The following ALPK1 variants were observed in gnomAD, a reference collection of about 807,000 sequenced individuals.
The protein encoded by ALPK1 is alpha-protein kinase 1.
In ALPK1, 110 loss-of-function variants were observed where a neutral mutation model predicts 120.6. That is an observed-to-expected ratio of 0.91 (90% confidence interval 0.78 to 1.07). ALPK1 has a LOEUF of 1.07. Among genes scored for constraint, ALPK1 ranks in the 50% least tolerant of loss-of-function variants. The pLI is 0.00. For synonymous variants in ALPK1, 582 were observed against 560.3 expected, an observed-to-expected ratio of 1.04 and a Z score of -0.55; for missense variants, 1,498 against 1,483.9, an observed-to-expected ratio of 1.01 and a Z score of -0.16.
intron 2 of ALPK1, among the ~76,000 whole-genome samples, chr4:112,363,995 A>G (rs558398424): frequency 6.6e-6 from 1 of 152,316 alleles, no homozygotes; most frequent in Non-Finnish European, 1.5e-5. Context: ...TAGAAATTTT[A>G]AAATTCTTTG....
At chr4:112,361,761 C>G (rs1243203235) in intron 2 of ALPK1, among the ~76,000 whole-genome samples, 1 of 152,242 alleles carries the variant, frequency 6.6e-6, no homozygotes, top group Non-Finnish European at 1.5e-5. Context: ...AGTGCCACCT[C>G]CTGGCTGGAG....
At chr4:112,366,734 A>C (rs1279875263) in intron 2 of ALPK1, among the ~76,000 whole-genome samples, 1 of 152,228 alleles carries the variant, frequency 6.6e-6, no homozygotes, top group African/African-American at 2.4e-5. Flanking sequence ...TATATGAAAA[A>C]GATACTTGCA....
intron 2 of ALPK1, among the ~76,000 whole-genome samples, chr4:112,370,399 T>A (rs1385133966): frequency 3.9e-5 from 6 of 152,008 alleles, no homozygotes; most frequent in Admixed American, 3.9e-4. Context: ...TCTATTTGAT[T>A]TTTAAGGAAA....
chr4:112,314,876 CTT>C (rs763492984), intron 1 of ALPK1, among the ~76,000 whole-genome samples: 1,109 of 99,514 alleles, frequency 0.011, 1 homozygote, highest in African/African-American at 0.039. Context: ...AATCCATTGC[CTT>C]TTTTTTTTTT....
chr4:112,318,916 G>A (rs927265494), intron 2 of ALPK1, among the ~76,000 whole-genome samples: 5 of 152,202 alleles, frequency 3.3e-5, no homozygotes, highest in African/African-American at 4.8e-5. Flanking sequence ...TGGTAGAAGC[G>A]ACACTAATGG....
intron 4 of ALPK1, among the ~76,000 whole-genome samples, chr4:112,388,988 T>C (rs1732277470): frequency 6.6e-6 from 1 of 151,754 alleles, no homozygotes; most frequent in African/African-American, 2.4e-5. Context: ...GAACTCCCCA[T>C]CTCTTTATGG....
At chr4:112,409,489 T>C (rs1733350414) in intron 4 of ALPK1, among the ~76,000 whole-genome samples, 1 of 151,986 alleles carries the variant, frequency 6.6e-6, no homozygotes, top group Non-Finnish European at 1.5e-5. Context: ...AGATATAGCT[T>C]TGTATTAGAC....
At chr4:112,349,554 C>CCCT (rs1553939362) in intron 2 of ALPK1, among the ~76,000 whole-genome samples, 1 of 141,656 alleles carries the variant, frequency 7.1e-6, no homozygotes, top group Admixed American at 7.0e-5. Context: ...AACCCCTGCC[C>CCCT]CCCCCCGCTT....
chr4:112,412,361 A>T (rs1427025632), intron 5 of ALPK1: 2 of 502,700 alleles, frequency 4.0e-6, no homozygotes, highest in Non-Finnish European at 7.7e-6. Flanking sequence ...AAGAGTCTTT[A>T]AAAAGCAGAT....
rs893476521 is a variant in ALPK1 at position 112,377,746 on chromosome 4, G to A, written c.-32G>A. 1.7e-5 allele frequency: 27 copies of A among 1,591,776 alleles called. No individual in the cohort carries two copies. Among genetic ancestry groups the A allele is most frequent in the Non-Finnish European group, 2.1e-5 (25 of 1,164,824 alleles). Reference sequence around the variant, plus strand: ...TTCTCCTAGGTAATTGATCACCCTAGACCCAGGGACACCCAATTCATCGTA... The same window carrying A: ...TTCTCCTAGGTAATTGATCACCCTAAACCCAGGGACACCCAATTCATCGTA... On this transcript the variant is annotated 5_prime_UTR_variant, in exon 3 of 16. Transcript: ENST00000650871.
chr4:112,433,064 G>A (rs1213128348), intron 11 of ALPK1, among the ~76,000 whole-genome samples: 1 of 152,202 alleles, frequency 6.6e-6, no homozygotes, highest in Non-Finnish European at 1.5e-5. Context: ...ATTCTATGGG[G>A]ACATGGTTTG....
chr4:112,384,793 G>A (rs1357060587), intron 4 of ALPK1: 1 of 152,204 alleles, frequency 6.6e-6, no homozygotes, highest in Non-Finnish European at 1.5e-5. Flanking sequence ...TCAAGGTAAG[G>A]AGTAAGGAGA....
chr4:112,300,011 T>C (rs886962319), intron 1 of ALPK1, among the ~76,000 whole-genome samples: 14 of 152,130 alleles, frequency 9.2e-5, no homozygotes, highest in Non-Finnish European at 1.9e-4. Context: ...ATAATTTCAT[T>C]TCTGGGAATC....
Position 112,432,393 on chromosome 4 carries a change from C to T in ALPK1, c.2846C>T (p.Ser949Phe). Reference sequence around the variant, plus strand: ...TCTTCTGAGGGGGACAGCCCTTGGTCCTATCTGAATTCCAGTGGGAGTTCT... The same window carrying T: ...TCTTCTGAGGGGGACAGCCCTTGGTTCTATCTGAATTCCAGTGGGAGTTCT... ...SGSSEGDSPW[S>F]YLNSSGSSWV... Residue 949 changes from serine to phenylalanine, a missense_variant, in exon 11 of 16, where the codon TCC becomes TTC. Coordinates refer to ENST00000650871, the MANE Select transcript of ALPK1 (RefSeq NM_025144.4). The T allele has an allele frequency of 6.2e-7, 1 of 1,614,106 alleles. No homozygotes were observed. The highest frequency in any genetic ancestry group is 8.5e-7 in the Non-Finnish European group (1 of 1,180,032).
Position 112,441,051 on chromosome 4 carries a change from T to G in ALPK1, c.3673T>G (p.Cys1225Gly). ...CTTCTTTAATAACCAGCATGTGGAATGTAATGAAATCTGCCATCGTCTTTC... is the reference window on the plus strand; with the variant it reads ...CTTCTTTAATAACCAGCATGTGGAAGGTAATGAAATCTGCCATCGTCTTTC... Reference protein sequence around the residue: ...FYFFNNQHVECNEICHRLSLT... With the variant: ...FYFFNNQHVEGNEICHRLSLT... Residue 1225 changes from cysteine (C) to glycine (G), a missense_variant, in exon 15 of 16, where the codon TGT becomes GGT. Cys to Gly is a radical substitution (Grantham distance 159). Transcript: ENST00000650871. 4 of 1,613,966 alleles carry G rather than the reference T, an allele frequency of 2.5e-6. No individual in the cohort carries two copies. Among genetic ancestry groups the G allele is most frequent in the Non-Finnish European group, 3.4e-6 (4 of 1,179,888 alleles).
In ALPK1 at chr4:112,440,975, C is replaced by G; in HGVS notation, c.3597C>G (p.Ser1199=). The G allele has an allele frequency of 2.5e-6, 4 of 1,613,842 alleles. 2 individuals are homozygous for G. In the South Asian group the frequency reaches 4.4e-5, roughly 18 times the overall value. Residue 1199 remains serine (S), a synonymous_variant, in exon 15 of 16, where the codon TCC becomes TCG. Transcript: ENST00000650871. The part of the protein sequence containing the change: ...LIYLTDPQIH[S]VDQKVFTTNF... ...ACCTCACAGATCCCCAGATTCACTC[C>G]GTTGATCAGAAAGTTTTCACTACCA...
At chr4:112,383,912 G>T (rs1257073219) in intron 4 of ALPK1, 4 of 152,064 alleles carry the variant, frequency 2.6e-5, no homozygotes, top group African/African-American at 9.7e-5. Flanking sequence ...TGTACAGTTG[G>T]GCAAAATCAT....
intron 4 of ALPK1, among the ~76,000 whole-genome samples, chr4:112,403,268 T>C (rs1020849947): frequency 1.3e-5 from 2 of 151,778 alleles, no homozygotes; most frequent in Non-Finnish European, 2.9e-5. Flanking sequence ...GCTTTGCTGC[T>C]GAGGAATTTA....
intron 2 of ALPK1, chr4:112,356,233 G>T (rs1730605728): frequency 1.3e-6 from 2 of 1,542,888 alleles, no homozygotes; most frequent in Admixed American, 3.3e-5. Flanking sequence ...AATGTCTGCA[G>T]ATGAATGGCA....
Sources: gnomAD v4.1 joint callset for allele counts (sites outside exome capture counted in the v4.1 genomes callset) on GRCh38, gnomAD v4.1.1 for gene constraint, MANE v1.5 for transcripts, NCBI Gene and HGNC (gene_info 2026-07-23, HGNC 2026-07-21) for gene names.